The following SMIM14 variants were observed in gnomAD, a reference collection of about 807,000 sequenced individuals.
SMIM14 encodes small integral membrane protein 14, also known as chromosome 4 open reading frame 34.
Under a neutral mutation model 12.6 loss-of-function variants are expected in SMIM14, and 5 were observed. The ratio of observed to expected loss-of-function variants is 0.40; its 90% CI spans 0.21 to 0.83. SMIM14 has a LOEUF of 0.83. Among genes scored for constraint, SMIM14 ranks in the 40% least tolerant of loss-of-function variants. SMIM14 has a pLI of 0.37. For missense variants in SMIM14, 86 were observed against 119.1 expected (o/e 0.72, Z 1.29); for synonymous variants, 30 against 40.1 (o/e 0.75, Z 0.95).
intron 2 of SMIM14, among the ~76,000 whole-genome samples, chr4:39,601,537 T>C (rs933667569): frequency 6.6e-6 from 1 of 152,186 alleles, no homozygotes; most frequent in Admixed American, 6.5e-5. Context: ...CGGCAAAAAA[T>C]TATACCCTCA....
chr4:39,628,350 T>C (rs1715778487), intron 1 of SMIM14, among the ~76,000 whole-genome samples: 1 of 151,152 alleles, frequency 6.6e-6, no homozygotes, highest in Non-Finnish European at 1.5e-5. Flanking sequence ...GAATATTTAC[T>C]AGTCATATTC....
At chr4:39,628,554 G>A (rs920256113) in intron 1 of SMIM14, among the ~76,000 whole-genome samples, 1 of 149,806 alleles carries the variant, frequency 6.7e-6, no homozygotes, top group Non-Finnish European at 1.5e-5. Flanking sequence ...TGGCACACGC[G>A]TAGTCCCAAG....
chr4:39,611,599 A>G (rs111598771), intron 1 of SMIM14, among the ~76,000 whole-genome samples: 2 of 151,856 alleles, frequency 1.3e-5, no homozygotes, highest in Non-Finnish European at 2.9e-5. Flanking sequence ...GCTTGAACCC[A>G]GGAGGTGGAG....
At chr4:39,591,463 A>C (rs1390721652) in intron 2 of SMIM14, among the ~76,000 whole-genome samples, 2 of 152,120 alleles carry the variant, frequency 1.3e-5, no homozygotes, top group Non-Finnish European at 2.9e-5. Flanking sequence ...GACCCATGCC[A>C]AGTAAGTAAG....
intron 2 of SMIM14, among the ~76,000 whole-genome samples, chr4:39,589,133 C>A (rs1713929602): frequency 6.6e-6 from 1 of 152,184 alleles, no homozygotes; most frequent in South Asian, 2.1e-4. Context: ...GTCACCCAGG[C>A]TGGAGTACAA....
chr4:39,584,194 A>G (rs550772434), intron 2 of SMIM14, among the ~76,000 whole-genome samples: 2 of 152,010 alleles, frequency 1.3e-5, no homozygotes, highest in South Asian at 2.1e-4. Flanking sequence ...TAATGAAAAT[A>G]ATTTGGACTA....
chr4:39,572,493 AT>A, intron 2 of SMIM14, 30 bp from the exon 3 acceptor site: 1 of 1,577,322 alleles, frequency 6.3e-7, no homozygotes, highest in Non-Finnish European at 8.7e-7. Context: ...GAAGTTAGTG[AT>A]TAGACTTAAA....
intron 1 of SMIM14, among the ~76,000 whole-genome samples, chr4:39,619,874 ATATT>A (rs1715412479): frequency 3.6e-5 from 3 of 82,972 alleles, no homozygotes; most frequent in African/African-American, 1.6e-4. Flanking sequence ...ATATATATAT[ATATT>A]TTTTTTTTTT....
chr4:39,560,955 A>T (rs775882409), intron 3 of SMIM14, among the ~76,000 whole-genome samples: 1 of 152,012 alleles, frequency 6.6e-6, no homozygotes, highest in Non-Finnish European at 1.5e-5. Flanking sequence ...TATCTGGTCT[A>T]TTGCAGTGGC....
Position 39,610,152 on chromosome 4 carries a change from T to C in SMIM14, c.-35-4972A>G, listed in dbSNP as rs535045079. Among the ~76,000 whole-genome samples the C allele has an allele frequency of 5.9e-5, 9 of 152,128 alleles. No homozygotes were observed. In the South Asian group the frequency reaches 1.7e-3, roughly 28 times the overall value. On this transcript the variant is annotated intron_variant, in intron 1 of 4. Coordinates refer to ENST00000295958, the MANE Select transcript of SMIM14 (RefSeq NM_174921.3). ...ACCACAGGTACACACCCCATCTTGCTAGTTTTAAATTTTCTGTAAAGACGG... is the reference window on the plus strand; with the variant it reads ...ACCACAGGTACACACCCCATCTTGCCAGTTTTAAATTTTCTGTAAAGACGG...
At chr4:39,573,449 A>T (rs1236525124) in intron 2 of SMIM14, among the ~76,000 whole-genome samples, 1 of 152,186 alleles carries the variant, frequency 6.6e-6, no homozygotes, top group African/African-American at 2.4e-5. Context: ...CTTCAAAATC[A>T]TACACAAACA....
intron 2 of SMIM14, among the ~76,000 whole-genome samples, chr4:39,591,894 T>C (rs1714100468): frequency 6.6e-6 from 1 of 152,056 alleles, no homozygotes; most frequent in South Asian, 2.1e-4. Context: ...AATAACCCTA[T>C]AATAACATAG....
chr4:39,588,181 A>G (rs1299188825), intron 2 of SMIM14: 4 of 147,508 alleles, frequency 2.7e-5, no homozygotes, highest in Non-Finnish European at 6.0e-5. Flanking sequence ...AGCTTAATGA[A>G]TGGTTGTTCT....
chr4:39,555,038 G>A (rs1578306900), intron 4 of SMIM14, among the ~76,000 whole-genome samples: 1 of 151,870 alleles, frequency 6.6e-6, no homozygotes, highest in Admixed American at 6.6e-5. Flanking sequence ...GTTTCACCAT[G>A]TTGGCCAGGC....
At chr4:39,614,577 C>T (rs574348054) in intron 1 of SMIM14, among the ~76,000 whole-genome samples, 4 of 152,238 alleles carry the variant, frequency 2.6e-5, no homozygotes, top group African/African-American at 9.6e-5. Flanking sequence ...CTGCCTCAAC[C>T]TCCCAAAGTG....
chr4:39,624,520 T>C (rs1715616423), intron 1 of SMIM14, among the ~76,000 whole-genome samples: 2 of 152,234 alleles, frequency 1.3e-5, no homozygotes, highest in Non-Finnish European at 2.9e-5. Flanking sequence ...TAGATAACTA[T>C]CAAATAACTT....
intron 1 of SMIM14, among the ~76,000 whole-genome samples, chr4:39,627,014 G>A (rs749681680): frequency 6.6e-5 from 10 of 152,150 alleles, no homozygotes; most frequent in Non-Finnish European, 1.0e-4. Context: ...CGGTTCTGGA[G>A]GCTAGGAAGT....
At chr4:39,587,366 G>A (rs960435447) in intron 2 of SMIM14, among the ~76,000 whole-genome samples, 9 of 151,262 alleles carry the variant, frequency 5.9e-5, no homozygotes, top group Middle Eastern at 3.4e-3. Context: ...GCATGGTGGC[G>A]GGTGCCTGTA....
intron 1 of SMIM14, chr4:39,611,872 G>T (rs1715049076): frequency 6.6e-6 from 1 of 152,066 alleles, no homozygotes; most frequent in Admixed American, 6.6e-5. Context: ...ATTTCTACAT[G>T]GTGATTTGGT....
Sources: allele counts gnomAD v4.1 joint callset (sites outside exome capture counted in the v4.1 genomes callset), GRCh38; gene constraint gnomAD v4.1.1; transcripts MANE v1.5; gene names NCBI Gene and HGNC (gene_info 2026-07-23, HGNC 2026-07-21).